The following GFRA1 variants were observed in gnomAD, a reference collection of about 807,000 sequenced individuals.
The protein encoded by GFRA1 is GDNF family receptor alpha-1.
GFRA1 carries 16 observed loss-of-function variants against 51.6 expected under a neutral mutation model. That is an observed-to-expected ratio of 0.31 (90% CI 0.21 to 0.47). The LOEUF is 0.47. Ranked by LOEUF, GFRA1 falls within the 20% of genes least tolerant of loss-of-function variation. The pLI, the probability that GFRA1 is intolerant of heterozygous loss-of-function variation, is 1.00. For missense variants in GFRA1, 530 were observed against 594.3 expected (o/e 0.89, Z 1.13); for synonymous variants, 270 against 241.3 (o/e 1.12, Z -1.10).
intron 4 of GFRA1, among the ~76,000 whole-genome samples, chr10:116,238,370 T>G (rs1967074731): frequency 6.6e-6 from 1 of 152,192 alleles, no homozygotes; most frequent in Non-Finnish European, 1.5e-5. Context: ...ACCATCTGCA[T>G]TCAGCCTCCA....
Position 116,272,417 on chromosome 10 carries a change from A to C in GFRA1, c.-246-142T>G. 1 of 337,036 alleles carries C rather than the reference A, an allele frequency of 3.0e-6. No homozygotes were observed. Among genetic ancestry groups the C allele is most frequent in the South Asian group, 3.2e-5 (1 of 30,940 alleles). The allele number at this position is 337,036 out of a possible 1,614,324, so 20.9% of individuals were successfully genotyped here. ...CCCACCCCCACCCAGGTCGGGGTGCATGTGCGTGTTTTCCAGGGGCCGCTG... is the reference window on the plus strand; with the variant it reads ...CCCACCCCCACCCAGGTCGGGGTGCCTGTGCGTGTTTTCCAGGGGCCGCTG... On this transcript the variant is annotated intron_variant, in intron 1 of 10. Coordinates refer to ENST00000355422, the MANE Select transcript of GFRA1 (RefSeq NM_005264.8). The surrounding 1 kb of genome is among the most constrained non-coding windows in gnomAD (Gnocchi z 4.4).
chr10:116,215,452 C>G (rs962622844), intron 4 of GFRA1, among the ~76,000 whole-genome samples: 2 of 152,216 alleles, frequency 1.3e-5, no homozygotes, highest in African/African-American at 4.8e-5. Flanking sequence ...TAATATTCTC[C>G]TTTCAATCTA....
chr10:116,153,902 G>C (rs971455429), intron 5 of GFRA1, among the ~76,000 whole-genome samples: 1 of 151,950 alleles, frequency 6.6e-6, no homozygotes, highest in South Asian at 2.1e-4. Flanking sequence ...AAAAAGACAA[G>C]CAACCCAATA....
intron 5 of GFRA1, among the ~76,000 whole-genome samples, chr10:116,190,516 G>A (rs1963155390): frequency 6.6e-6 from 1 of 152,142 alleles, no homozygotes; most frequent in Non-Finnish European, 1.5e-5. Flanking sequence ...GAAACTAAAG[G>A]TCCTGCAGAA....
At position 116,125,386 on chromosome 10, in the gene GFRA1, T is replaced by G; in HGVS notation, c.605A>C (p.Lys202Thr). 6.2e-7 allele frequency: 1 copy of G among 1,614,256 alleles called. No individual in the cohort carries two copies. The highest frequency in any genetic ancestry group is 8.5e-7 in the Non-Finnish European group (1 of 1,180,048). ...CHKALRQFFD[K>T]VPAKHSYGML... The stretch of plus-strand genomic sequence containing the variant: ...TCCGTAGCTGTGCTTGGCCGGGACC[T>G]TGTCAAAGAACTGCCGGAGGGCCTT... Residue 202 changes from lysine to threonine, a missense_variant, in exon 6 of 11, where the codon AAG (lysine) becomes ACG (threonine). Physicochemically the swap from Lys to Thr is moderately conservative, Grantham distance 78. Coordinates refer to ENST00000355422, the MANE Select transcript of GFRA1 (RefSeq NM_005264.8).
chr10:116,196,777 TATATAATATA>T (rs560345203), intron 5 of GFRA1, among the ~76,000 whole-genome samples: 2 of 129,658 alleles, frequency 1.5e-5, no homozygotes, highest in African/African-American at 6.2e-5. Flanking sequence ...TATAATACTG[TATATAATATA>T]ATATATAATA....
At chr10:116,205,626 T>TATATATATATATATATATATATATA (rs1964688443) in intron 5 of GFRA1, among the ~76,000 whole-genome samples, 1 of 137,252 alleles carries the variant, frequency 7.3e-6, no homozygotes, top group African/African-American at 2.7e-5. Context: ...TATATATATA[T>TATATATATATATATATATATATATA]TCTTTAAAAG....
chr10:116,096,903 A>C, intron 6 of GFRA1, 139 bp from the exon 7 acceptor site: 1 of 662,572 alleles, frequency 1.5e-6, no homozygotes, highest in Admixed American at 2.1e-5. Flanking sequence ...ACACACACAT[A>C]CACACAAAAT....
chr10:116,254,086 C>T (rs1028096054), intron 4 of GFRA1, among the ~76,000 whole-genome samples: 4 of 151,748 alleles, frequency 2.6e-5, no homozygotes, highest in Non-Finnish European at 4.4e-5. Flanking sequence ...TTTGGGAGGC[C>T]GAGGCAGGCA....
At chr10:116,182,121 G>C (rs1394064510) in intron 5 of GFRA1, among the ~76,000 whole-genome samples, 1 of 144,092 alleles carries the variant, frequency 6.9e-6, no homozygotes, top group Non-Finnish European at 1.5e-5. Context: ...GGAGGGCAGA[G>C]ATGGGGAGGG....
chr10:116,195,211 C>A (rs1963629335), intron 5 of GFRA1, among the ~76,000 whole-genome samples: 1 of 152,174 alleles, frequency 6.6e-6, no homozygotes, highest in African/African-American at 2.4e-5. Flanking sequence ...TCACAAAGAA[C>A]TCCCTTTGTT....
intron 9 of GFRA1, among the ~76,000 whole-genome samples, chr10:116,073,844 A>G (rs890938320): frequency 6.6e-6 from 1 of 152,174 alleles, no homozygotes; most frequent in Admixed American, 6.5e-5. Context: ...TATGGTGGTA[A>G]CTAAGGTTTG....
At chr10:116,271,498 C>T (rs1023757445) in intron 2 of GFRA1, among the ~76,000 whole-genome samples, 3 of 152,100 alleles carry the variant, frequency 2.0e-5, no homozygotes, top group African/African-American at 7.2e-5. Flanking sequence ...AACTCAGGCG[C>T]TTTCCGAGGA....
chr10:116,095,463 A>T (rs1333935076), intron 7 of GFRA1, among the ~76,000 whole-genome samples: 2 of 152,212 alleles, frequency 1.3e-5, no homozygotes, highest in African/African-American at 4.8e-5. Context: ...CATCCCTAGC[A>T]GAGATTAACT....
At position 116,269,580 on chromosome 10, in the gene GFRA1, T is replaced by C. The variant is rs1411129736; in HGVS notation, c.341A>G (p.Asp114Gly). Residue 114 changes from aspartate (D) to glycine (G), a missense_variant, in exon 4 of 11, where the codon GAT becomes GGT. Physicochemically the swap from Asp to Gly is moderately conservative, Grantham distance 94. Transcript: ENST00000355422. ...WSMYQSLQGN[D>G]LLEDSPYEPV... is the part of the protein sequence containing the mutation. ...TTCATATGGGGAATCCTCCAGCAGATCATTTCCTAAAAACAACAGAAAGAT... is the reference window on the plus strand; with the variant it reads ...TTCATATGGGGAATCCTCCAGCAGACCATTTCCTAAAAACAACAGAAAGAT... 9 of 1,593,676 alleles carry C rather than the reference T, an allele frequency of 5.6e-6. No homozygotes were observed. The highest frequency in any genetic ancestry group is 6.9e-6 in the Non-Finnish European group (8 of 1,161,322).
At chr10:116,231,916 A>G (rs190896962) in intron 4 of GFRA1, among the ~76,000 whole-genome samples, 224 of 152,354 alleles carry the variant, frequency 1.5e-3, no homozygotes, top group Non-Finnish European at 2.7e-3. Flanking sequence ...CTATTGCAGA[A>G]GAATCTCCTT....
chr10:116,069,269 T>C (rs1955261301), intron 9 of GFRA1, among the ~76,000 whole-genome samples: 2 of 152,196 alleles, frequency 1.3e-5, no homozygotes, highest in Admixed American at 6.5e-5. Context: ...AAATGAATTA[T>C]TTAATCCTTT....
At position 116,269,498 on chromosome 10, in the gene GFRA1, C is replaced by T; in HGVS notation, c.418+5G>A. 8 of 1,540,552 alleles carry T rather than the reference C, an allele frequency of 5.2e-6. No homozygotes were observed. Among genetic ancestry groups the T allele is most frequent in the Non-Finnish European group, 5.4e-6 (6 of 1,112,986 alleles). On this transcript the variant is annotated splice_donor_5th_base_variant and intron_variant, in intron 4 of 10. Coordinates refer to ENST00000355422, the MANE Select transcript of GFRA1 (RefSeq NM_005264.8). ...GCATCAGCATGGAAGTATAAATCTGCTTACCTGATATGAATGGGACCACCC... is the reference window on the plus strand; with the variant it reads ...GCATCAGCATGGAAGTATAAATCTGTTTACCTGATATGAATGGGACCACCC...
chr10:116,209,177 C>T (rs1289837243), intron 5 of GFRA1, among the ~76,000 whole-genome samples: 4 of 152,190 alleles, frequency 2.6e-5, no homozygotes, highest in Non-Finnish European at 4.4e-5. Context: ...CACACTCTCA[C>T]GTGCACATGC....
Sources: gnomAD v4.1 joint callset for allele counts (sites outside exome capture counted in the v4.1 genomes callset) on GRCh38, gnomAD v4.1.1 for gene constraint, Gnocchi (gnomAD v3.1) non-coding constraint, MANE v1.5 for transcripts, NCBI Gene and HGNC (gene_info 2026-07-23, HGNC 2026-07-21) for gene names.